The following CHRNA4 variants were observed in gnomAD, a reference collection of about 807,000 sequenced individuals.
CHRNA4 encodes the protein cholinergic receptor nicotinic alpha 4 subunit, also known as neuronal acetylcholine receptor subunit alpha-4.
A neutral mutation model predicts 48.9 loss-of-function variants in CHRNA4; 28 were observed. The ratio of observed to expected loss-of-function variants is 0.57; its 90% CI spans 0.42 to 0.79. The LOEUF is 0.79. CHRNA4 is among the 30% of genes least tolerant of loss of function. The probability of loss-of-function intolerance (pLI) is 0.00; values close to 1 mark genes in which losing one functional copy is unlikely to be tolerated. For missense variants in CHRNA4, 859 were observed against 898.4 expected (o/e 0.96, Z 0.56); for synonymous variants, 425 against 402.3 (o/e 1.06, Z -0.68).
At chr20:63,348,493 G>A (rs1349497887) in intron 5 of CHRNA4, among the ~76,000 whole-genome samples, 1 of 152,226 alleles carries the variant, frequency 6.6e-6, no homozygotes, top group Non-Finnish European at 1.5e-5. Context: ...CCCTCGCTTT[G>A]GGGCTCGCTC....
intron 1 of CHRNA4, 75 bp from the exon 2 acceptor site, chr20:63,359,774 C>T (rs1374841407): frequency 6.4e-7 from 1 of 1,557,300 alleles, no homozygotes; most frequent in African/African-American, 1.4e-5. Context: ...GCTCTCCAGG[C>T]TGCCCCAGCC....
At position 63,344,225 on chromosome 20, in the gene CHRNA4, C is replaced by T. The variant is rs1433554172; in HGVS notation, c.*2513G>A. On this transcript the variant is annotated 3_prime_UTR_variant, in exon 6 of 6. Transcript: ENST00000370263. This position sits in a 1 kb window ranked among gnomAD's most constrained non-coding sequence, Gnocchi z 4.5. ...AGCCAGACATCAAAGGCTCCAACTG[C>T]AGGATTCTGACTCCTCGAAGGTCGT... 2.2e-6 allele frequency: 1 copy of T among 453,998 alleles called. No individual in the cohort carries two copies. Among genetic ancestry groups the T allele is most frequent in the Non-Finnish European group, 4.4e-6 (1 of 226,736 alleles). The allele number at this position is 453,998 out of a possible 1,614,324, so 28.1% of individuals were successfully genotyped here.
intron 4 of CHRNA4, among the ~76,000 whole-genome samples, chr20:63,353,100 C>T (rs1173933865): frequency 6.6e-6 from 1 of 152,216 alleles, no homozygotes; most frequent in Non-Finnish European, 1.5e-5. Flanking sequence ...CCACCCCGAC[C>T]CCAGTCCAGG....
intron 2 of CHRNA4, chr20:63,356,675 C>A: frequency 1.7e-6 from 1 of 573,362 alleles, no homozygotes; most frequent in Non-Finnish European, 3.1e-6. Flanking sequence ...GCCTCACAGG[C>A]TTCCCCAGCT....
At chr20:63,351,264 A>ACG in intron 4 of CHRNA4, 1 of 548,934 alleles carries the variant, frequency 1.8e-6, no homozygotes. Context: ...CCACGTCCAC[A>ACG]CACAGAGGCA....
chr20:63,346,072 G>C lies in CHRNA4; in HGVS notation c.*666C>G. 1 of 454,032 alleles carries C rather than the reference G, an allele frequency of 2.2e-6. No homozygotes were observed. The highest frequency in any genetic ancestry group is 2.3e-5 in the Admixed American group (1 of 42,566). The allele number at this position is 454,032 out of a possible 1,614,324, so 28.1% of individuals were successfully genotyped here. A position where few individuals can be genotyped will look rare whatever the true frequency, so the allele number is the denominator to read the frequency against. ...GCGTGGGCCTCCCGATTCTCCCCAC[G>C]CGGAACCAGCTCCACAAAACTCTGT... On this transcript the variant is annotated 3_prime_UTR_variant, in exon 6 of 6. Coordinates refer to ENST00000370263, the MANE Select transcript of CHRNA4 (RefSeq NM_000744.7).
chr20:63,344,355 A>C lies in CHRNA4; in HGVS notation c.*2383T>G. On this transcript the variant is annotated 3_prime_UTR_variant, in exon 6 of 6. Transcript: ENST00000370263. This position sits in a 1 kb window ranked among gnomAD's most constrained non-coding sequence, Gnocchi z 4.5. Reference sequence around the variant, plus strand: ...CTTCTAGGGGCTGGGTCTCCACTGAAGAGCATGCATCTCACCATATGTAAA... The same window carrying C: ...CTTCTAGGGGCTGGGTCTCCACTGACGAGCATGCATCTCACCATATGTAAA... 1 of 454,092 alleles carries C rather than the reference A, an allele frequency of 2.2e-6. No individual in the cohort carries two copies. Among genetic ancestry groups the C allele is most frequent in the Non-Finnish European group, 4.4e-6 (1 of 226,780 alleles). The allele number at this position is 454,092 out of a possible 1,614,324, so 28.1% of individuals were successfully genotyped here. A position where few individuals can be genotyped will look rare whatever the true frequency, so the allele number is the denominator to read the frequency against.
intron 2 of CHRNA4, chr20:63,359,331 G>A (rs2068765072): frequency 1.6e-6 from 1 of 642,960 alleles, no homozygotes; most frequent in South Asian, 1.8e-5. Context: ...TCAAGGGGGA[G>A]GAAAGGGCAG....
rs1382033373 is a variant in CHRNA4, at chr20:63,344,903, G to C, written c.*1835C>G. On this transcript the variant is annotated 3_prime_UTR_variant, in exon 6 of 6. Transcript: ENST00000370263. The surrounding 1 kb of genome is among the most constrained non-coding windows in gnomAD (Gnocchi z 4.5). The stretch of plus-strand genomic sequence containing the variant: ...GGTCCTGAATACACGGGGGATGTGG[G>C]AGGGGCCAGGGGGCTGGGGATGCCC... The C allele has an allele frequency of 1.5e-5, 6 of 405,988 alleles. No individual in the cohort carries two copies. Among genetic ancestry groups the C allele is most frequent in the Non-Finnish European group, 3.0e-5 (6 of 199,978 alleles). The allele number at this position is 405,988 out of a possible 1,614,324, so 25.1% of individuals were successfully genotyped here. A position where few individuals can be genotyped will look rare whatever the true frequency, so the allele number is the denominator to read the frequency against.
chr20:63,353,559 T>C (rs1444573359), intron 4 of CHRNA4, among the ~76,000 whole-genome samples: 1 of 51,654 alleles, frequency 1.9e-5, no homozygotes, highest in Non-Finnish European at 3.6e-5. Flanking sequence ...CTGGAGGGGC[T>C]GTGGTCCTGG....
Position 63,361,290 on chromosome 20 carries a change from C to A in CHRNA4, c.-125G>T. 1.5e-6 allele frequency: 2 copies of A among 1,343,230 alleles called. No individual in the cohort carries two copies. Among genetic ancestry groups the A allele is most frequent in the South Asian group, 3.3e-5 (2 of 59,998 alleles). 83.2% of individuals were successfully genotyped at this position (1,343,230 alleles called of 1,614,324 possible). ...GCCGCTTCGGCCGCCGGGCCCGGTT[C>A]GTCTTCTCCTGTGGGGCGCGGTGCG... On this transcript the variant is annotated 5_prime_UTR_variant, in exon 1 of 6. Transcript: ENST00000370263.
chr20:63,354,596 T>G lies in CHRNA4; in HGVS notation c.383+1379A>C, dbSNP rs926327885. 4.4e-4 allele frequency: 104 copies of G among 236,586 alleles called. No individual in the cohort carries two copies. The African/African-American group carries it at 4.5e-3, about 10-fold the overall frequency. The allele number at this position is 236,586 out of a possible 1,614,324, so 14.7% of individuals were successfully genotyped here. On this transcript the variant is annotated intron_variant, in intron 4 of 5. Transcript: ENST00000370263. ...GTGAGGCTGTGGAAGTGGGGGGGGC[T>G]GCAGTACTCGGGGGGCTGTGGTCCT...
rs1382086661 is a variant in CHRNA4 at position 63,355,310 on chromosome 20, G to A, written c.383+665C>T. ...CGTGGCAACGCTGCCCTGGCTTCCA[G>A]GCACAGAAAACCCGTTTCCATGACC... is the stretch of plus-strand genomic sequence containing the variant. On this transcript the variant is annotated intron_variant, in intron 4 of 5. Transcript: ENST00000370263. The A allele has an allele frequency of 1.1e-5, 4 of 363,070 alleles. No homozygotes were observed. The East Asian group carries it at 3.0e-4, about 27-fold the overall frequency. 22.5% of individuals were successfully genotyped at this position (363,070 alleles called of 1,614,324 possible).
In CHRNA4 at chr20:63,355,594, A is replaced by G. The variant is rs751788414; in HGVS notation, c.383+381T>C. Reference sequence around the variant, plus strand: ...CTCCTGCCCAAAAGGGCTCTCCTGCAGCTGTCAAGGGTGGGGGCAAAGACG... The same window carrying G: ...CTCCTGCCCAAAAGGGCTCTCCTGCGGCTGTCAAGGGTGGGGGCAAAGACG... On this transcript the variant is annotated intron_variant, in intron 4 of 5. Coordinates refer to ENST00000370263, the MANE Select transcript of CHRNA4 (RefSeq NM_000744.7). The G allele has an allele frequency of 7.7e-6, 10 of 1,304,966 alleles. No individual in the cohort carries two copies. In the South Asian group the frequency reaches 1.2e-4, roughly 16 times the overall value. The allele number at this position is 1,304,966 out of a possible 1,614,324, so 80.8% of individuals were successfully genotyped here.
intron 1 of CHRNA4, chr20:63,359,903 G>GTGTGTGTGTGTGTGCCAGGCGTGCGC: frequency 2.5e-6 from 1 of 402,782 alleles, no homozygotes; most frequent in Non-Finnish European, 4.4e-6. Flanking sequence ...TGTGCTGTGT[G>GTGTGTGTGTGTGTGCCAGGCGTGCGC]TGTGTGTGTG....
intron 4 of CHRNA4, 119 bp from the exon 5 acceptor site, chr20:63,351,146 C>T (rs1376404235): frequency 7.3e-6 from 7 of 961,804 alleles, no homozygotes; most frequent in Non-Finnish European, 9.5e-6. Flanking sequence ...CGCCCACATC[C>T]ACGTCCACGC....
intron 4 of CHRNA4, among the ~76,000 whole-genome samples, chr20:63,353,357 G>T (rs923637485): frequency 3.3e-5 from 5 of 152,016 alleles, no homozygotes; most frequent in Non-Finnish European, 7.4e-5. Flanking sequence ...GAAAACTGGG[G>T]TCACCCCACT....
At chr20:63,356,703 G>A in intron 2 of CHRNA4, 1 of 538,514 alleles carries the variant, frequency 1.9e-6, no homozygotes, top group East Asian at 3.2e-5. Context: ...GGTGTGGCGG[G>A]CATGGGGAGC....
At position 63,345,362 on chromosome 20, in the gene CHRNA4, G is replaced by A. The variant is rs149993661; in HGVS notation, c.*1376C>T. 4.7e-3 allele frequency: 2,086 copies of A among 440,884 alleles called. 35 individuals carry two copies. Among genetic ancestry groups the A allele is most frequent in the African/African-American group, 0.038 (1,899 of 49,890 alleles). 27.3% of individuals were successfully genotyped at this position (440,884 alleles called of 1,614,324 possible). A position where few individuals can be genotyped will look rare whatever the true frequency, so the allele number is the denominator to read the frequency against. ...GATGTCACTCACAGGCAGGGGACAC[G>A]CCATCCTGGCCCCGCCCCTCTGGGC... On this transcript the variant is annotated 3_prime_UTR_variant, in exon 6 of 6. Coordinates refer to ENST00000370263, the MANE Select transcript of CHRNA4 (RefSeq NM_000744.7). The surrounding 1 kb of genome is among the most constrained non-coding windows in gnomAD (Gnocchi z 5.4).
Sources: gnomAD v4.1 joint callset for allele counts (sites outside exome capture counted in the v4.1 genomes callset) on GRCh38, gnomAD v4.1.1 for gene constraint, Gnocchi (gnomAD v3.1) non-coding constraint, MANE v1.5 for transcripts, NCBI Gene and HGNC (gene_info 2026-07-23, HGNC 2026-07-21) for gene names.